BLTP1: variants seen among roughly 807,000 people sequenced by gnomAD.
BLTP1 encodes the protein fragile site-associated protein.
the BLTP1 span, chr4:122,210,905 C>T: frequency 6.2e-7 from 1 of 1,612,392 alleles, no homozygotes; most frequent in Non-Finnish European, 8.5e-7. Context: ...ATGGAAGAGA[C>T]AATGCTATCT....
chr4:122,190,158 G>A, the BLTP1 span: 41 of 1,547,698 alleles, frequency 2.6e-5, 1 homozygote, highest in South Asian at 1.7e-4. Flanking sequence ...ATGCAGTGGC[G>A]TAATCATAGT....
chr4:122,220,619 A>G, the BLTP1 span: 23 of 641,088 alleles, frequency 3.6e-5, no homozygotes, highest in Admixed American at 5.0e-4. Flanking sequence ...TTTTGTATGT[A>G]TGTTTATGTG....
chr4:122,281,564 AC>A, the BLTP1 span: 1 of 1,602,046 alleles, frequency 6.2e-7, no homozygotes, highest in Non-Finnish European at 8.5e-7. Context: ...AGATATTGCA[AC>A]CCCACTACCT....
chr4:122,209,490 C>T, the BLTP1 span: 4 of 323,090 alleles, frequency 1.2e-5, no homozygotes, highest in Admixed American at 1.3e-4. Flanking sequence ...AGTAAATATA[C>T]AAAAATTAGC....
the BLTP1 span, chr4:122,299,027 G>A: frequency 1.0e-6 from 1 of 985,350 alleles, no homozygotes; most frequent in Non-Finnish European, 1.2e-6. Flanking sequence ...AAAAGACTGA[G>A]GGTCAGCTAA....
At chr4:122,276,882 C>T in the BLTP1 span, 5 of 984,594 alleles carry the variant, frequency 5.1e-6, no homozygotes, top group African/African-American at 8.7e-5. Flanking sequence ...TACTGTTGGG[C>T]TTTGCGTTTA....
the BLTP1 span, chr4:122,298,797 T>C: frequency 1.1e-6 from 1 of 882,748 alleles, no homozygotes. Context: ...TTTTTGATGA[T>C]TGAGCGCCTT....
At chr4:122,192,318 C>G in the BLTP1 span, 1 of 1,613,534 alleles carries the variant, frequency 6.2e-7, no homozygotes. Context: ...ATGTTGGGGA[C>G]TGGATATAGT....
At chr4:122,207,598 A>G in the BLTP1 span, 2 of 1,603,062 alleles carry the variant, frequency 1.2e-6, no homozygotes, top group Non-Finnish European at 8.5e-7. Context: ...CCTTTTACGG[A>G]CTTTGTTCCA....
the BLTP1 span, chr4:122,255,120 C>T: frequency 1.9e-6 from 3 of 1,596,664 alleles, no homozygotes; most frequent in South Asian, 3.3e-5. Context: ...ATTGTTGTTT[C>T]TTGATTTTAG....
the BLTP1 span, among the ~76,000 whole-genome samples, chr4:122,211,518 GACA>G: frequency 6.6e-6 from 1 of 152,104 alleles, no homozygotes; most frequent in Non-Finnish European, 1.5e-5. Context: ...AAAAATAAGT[GACA>G]ACGTTTTATG....
the BLTP1 span, chr4:122,182,849 G>C: frequency 1.0e-6 from 1 of 984,460 alleles, no homozygotes; most frequent in Non-Finnish European, 1.2e-6. Flanking sequence ...CCCTCTCCCA[G>C]CTTAACACAA....
chr4:122,330,983 G>A, the BLTP1 span: 1 of 975,030 alleles, frequency 1.0e-6, no homozygotes, highest in Non-Finnish European at 1.2e-6. Flanking sequence ...TTTCCTTGTT[G>A]TTCTGTCTTT....
the BLTP1 span, chr4:122,154,478 A>G: frequency 2.8e-5 from 28 of 985,366 alleles, no homozygotes; most frequent in Non-Finnish European, 3.4e-5. Flanking sequence ...GTGCATTGGC[A>G]GGAGAAAGCA....
At chr4:122,187,991 C>T in the BLTP1 span, 1 of 1,597,756 alleles carries the variant, frequency 6.3e-7, no homozygotes, top group Non-Finnish European at 8.5e-7. Context: ...ACCTTCAAGT[C>T]ATCTTGACCA....
At chr4:122,170,984 A>G in the BLTP1 span, among the ~76,000 whole-genome samples, 1 of 152,176 alleles carries the variant, frequency 6.6e-6, no homozygotes, top group African/African-American at 2.4e-5. Context: ...GAAGAAGAAC[A>G]CTGCACTTAG....
chr4:122,237,397 T>C, the BLTP1 span: 1 of 971,310 alleles, frequency 1.0e-6, no homozygotes, highest in Non-Finnish European at 1.2e-6. Context: ...CATAAAATCA[T>C]GTATTGAGTG....
At chr4:122,199,295 G>A in the BLTP1 span, 7 of 1,587,254 alleles carry the variant, frequency 4.4e-6, no homozygotes, top group Non-Finnish European at 6.0e-6. Flanking sequence ...GTTGGTTCTA[G>A]TCCAAAGATG....
the BLTP1 span, chr4:122,328,333 G>T: frequency 1.9e-6 from 3 of 1,609,234 alleles, no homozygotes; most frequent in Non-Finnish European, 2.5e-6. Flanking sequence ...GAGAGGGAAA[G>T]GTTTTATATT....
Sources: allele counts gnomAD v4.1 joint callset (sites outside exome capture counted in the v4.1 genomes callset), GRCh38; gene constraint gnomAD v4.1.1; transcripts MANE v1.5; gene names NCBI Gene and HGNC (gene_info 2026-07-23, HGNC 2026-07-21).